ZNHIT6: variants seen among roughly 807,000 people sequenced by gnomAD.
ZNHIT6 encodes the protein zinc finger HIT-type containing 6, also known as box C/D snoRNA protein 1.
Under a neutral mutation model 57.2 loss-of-function variants are expected in ZNHIT6, and 45 were observed. That is an observed-to-expected ratio of 0.79 (90% CI 0.62 to 1.01). The LOEUF (loss-of-function observed/expected upper bound fraction) is 1.01. Among genes scored for constraint, ZNHIT6 ranks in the 50% least tolerant of loss-of-function variants. The probability of loss-of-function intolerance (pLI) is 0.00; values close to 1 mark genes in which losing one functional copy is unlikely to be tolerated. For synonymous variants in ZNHIT6, 188 were observed against 190.0 expected, an observed-to-expected ratio of 0.99 and a Z score of 0.09; for missense variants, 528 against 567.3, an observed-to-expected ratio of 0.93 and a Z score of 0.70.
chr1:85,706,088 C>T lies in ZNHIT6; in HGVS notation c.905G>A (p.Ser302Asn). 1 of 1,611,816 alleles carries T rather than the reference C, an allele frequency of 6.2e-7. No individual in the cohort carries two copies. Among genetic ancestry groups the T allele is most frequent in the Admixed American group, 1.7e-5 (1 of 59,692 alleles). Residue 302 changes from serine to asparagine, a missense_variant, in exon 4 of 10, where the codon AGC (serine) becomes AAC (asparagine). Physicochemically the swap from Ser to Asn is conservative, Grantham distance 46. Transcript: ENST00000370574. ...SRDAFLKRPI[S>N]NKYMYFMKNR... is the part of the protein sequence containing the mutation. ...AGGAAAAAATCTTACATATTTATTG[C>T]TTATTGGTCTCTTCAAAAAAGCATC...
intron 6 of ZNHIT6, among the ~76,000 whole-genome samples, chr1:85,679,955 C>A (rs556590989): frequency 6.6e-6 from 1 of 152,314 alleles, no homozygotes; most frequent in South Asian, 2.1e-4. Context: ...CTTGTAATTC[C>A]GACATTTTGG....
intron 5 of ZNHIT6, among the ~76,000 whole-genome samples, chr1:85,701,867 C>G (rs1218693983): frequency 6.6e-6 from 1 of 152,096 alleles, no homozygotes; most frequent in Non-Finnish European, 1.5e-5. Flanking sequence ...AAAATCACAA[C>G]AAGCATACTT....
chr1:85,696,757 C>G (rs1156703523), intron 5 of ZNHIT6, among the ~76,000 whole-genome samples: 1 of 151,842 alleles, frequency 6.6e-6, no homozygotes, highest in Non-Finnish European at 1.5e-5. Context: ...GGAAAATGGC[C>G]TGGTTAATCC....
chr1:85,668,874 A>G (rs376460408), intron 8 of ZNHIT6, among the ~76,000 whole-genome samples: 2 of 152,164 alleles, frequency 1.3e-5, no homozygotes, highest in African/African-American at 4.8e-5. Context: ...CATGTTAGAC[A>G]TTGTGTGGGA....
At chr1:85,679,563 G>GTTTTTTTTTTTTTTTTTTTTTTTT (rs35523771) in intron 6 of ZNHIT6, among the ~76,000 whole-genome samples, 1 of 135,274 alleles carries the variant, frequency 7.4e-6, no homozygotes, top group Non-Finnish European at 1.5e-5. Context: ...ACATTAAAAT[G>GTTTTTTTTTTTTTTTTTTTTTTTT]TTTTTTTTTT....
chr1:85,672,285 G>C (rs1661576634), intron 8 of ZNHIT6, among the ~76,000 whole-genome samples: 1 of 151,882 alleles, frequency 6.6e-6, no homozygotes, highest in Non-Finnish European at 1.5e-5. Flanking sequence ...AAGTCTTACT[G>C]CTTTTTTTTT....
intron 8 of ZNHIT6, among the ~76,000 whole-genome samples, chr1:85,668,747 G>A (rs1012347125): frequency 2.0e-5 from 3 of 152,204 alleles, no homozygotes; most frequent in Non-Finnish European, 4.4e-5. Flanking sequence ...AAAGAGCACA[G>A]ACTAATCTTT....
intron 8 of ZNHIT6, among the ~76,000 whole-genome samples, chr1:85,667,961 A>AAAAAAAAAAAAAAAAAATGTAT: frequency 3.8e-4 from 7 of 18,196 alleles, no homozygotes; most frequent in African/African-American, 1.5e-3. Flanking sequence ...AAAAAAAAAA[A>AAAAAAAAAAAAAAAAAATGTAT]ATATATATAT....
At chr1:85,677,967 T>C (rs1401547660) in intron 7 of ZNHIT6, among the ~76,000 whole-genome samples, 1 of 152,146 alleles carries the variant, frequency 6.6e-6, no homozygotes, top group Non-Finnish European at 1.5e-5. Context: ...GTACTAGGAA[T>C]TTCATATATG....
intron 4 of ZNHIT6, 120 bp downstream of exon 4, chr1:85,705,958 G>A (rs1266159404): frequency 2.4e-6 from 2 of 816,642 alleles, no homozygotes; most frequent in Admixed American, 2.9e-5. Context: ...ATATCCTTAA[G>A]TAATCAGAAT....
intron 9 of ZNHIT6, among the ~76,000 whole-genome samples, chr1:85,655,958 G>A (rs755924321): frequency 7.9e-5 from 12 of 152,116 alleles, no homozygotes; most frequent in Non-Finnish European, 1.3e-4. Context: ...AGAAACACAT[G>A]TACCCCCAAA....
chr1:85,677,201 A>C, intron 8 of ZNHIT6, 35 bp downstream of exon 8: 1 of 1,516,760 alleles, frequency 6.6e-7, no homozygotes, highest in Non-Finnish European at 8.9e-7. Context: ...AGAACTAAAA[A>C]ATATTTAAAG....
Position 85,652,283 on chromosome 1 carries a change from AAC to A in ZNHIT6, c.*1773_*1774del, listed in dbSNP as rs1660932531. The A allele has an allele frequency of 1.3e-5, 2 of 152,192 alleles. No homozygotes were observed. The highest frequency in any genetic ancestry group is 4.1e-4 in the South Asian group (2 of 4,830). 9.4% of individuals were successfully genotyped at this position (152,192 alleles called of 1,614,324 possible). On this transcript the variant is annotated 3_prime_UTR_variant, in exon 10 of 10. Transcript: ENST00000370574. ...TATACGTTATCCCACTTCTCCTAAT[AAC>A]AACACGTTTCACTCAATTCATCTAT...
At chr1:85,680,763 A>C in intron 6 of ZNHIT6, 73 bp downstream of exon 6, 1 of 1,142,186 alleles carries the variant, frequency 8.8e-7, no homozygotes. Context: ...TACTGACATT[A>C]AGTTAACAGT....
chr1:85,655,262 T>C lies in ZNHIT6; in HGVS notation c.1373-1164A>G, dbSNP rs764679730. On this transcript the variant is annotated intron_variant, in intron 9 of 9. Coordinates refer to ENST00000370574, the MANE Select transcript of ZNHIT6 (RefSeq NM_017953.4). ...AATAAGTTTTACATGCGTGTTCCAG[T>C]GCCAAAAATCCTCCTCTCTCTCCCT... 4.3e-4 allele frequency among the ~76,000 whole-genome samples: 66 copies of C among 152,208 alleles called. 1 individual carries two copies. Among genetic ancestry groups the C allele is most frequent in the Non-Finnish European group, 8.2e-4 (56 of 67,982 alleles).
chr1:85,707,972 G>A lies in ZNHIT6; in HGVS notation c.313C>T (p.Pro105Ser), dbSNP rs746066194. ...CCTGCGTTCTCATCCTTCACCTCAGGCCTATCCTCCACCTCCTGTTCTACC... is the reference window on the plus strand; with the variant it reads ...CCTGCGTTCTCATCCTTCACCTCAGACCTATCCTCCACCTCCTGTTCTACC... ...QWVEQEVEDRPEVKDENAGVL... is the reference protein window; with the variant it reads ...QWVEQEVEDRSEVKDENAGVL... Residue 105 changes from proline (P) to serine (S), a missense_variant, in exon 1 of 10, where the codon CCT becomes TCT. Coordinates refer to ENST00000370574, the MANE Select transcript of ZNHIT6 (RefSeq NM_017953.4). The A allele has an allele frequency of 1.9e-5, 31 of 1,613,692 alleles. No individual in the cohort carries two copies. Among genetic ancestry groups the A allele is most frequent in the Middle Eastern group, 1.6e-4 (1 of 6,084 alleles).
At chr1:85,685,696 C>T (rs1350567349) in intron 5 of ZNHIT6, among the ~76,000 whole-genome samples, 1 of 151,826 alleles carries the variant, frequency 6.6e-6, no homozygotes, top group Admixed American at 6.6e-5. Flanking sequence ...CTCGCCTCAG[C>T]CCCTGCAAGT....
At chr1:85,698,893 G>T (rs1662453854) in intron 5 of ZNHIT6, among the ~76,000 whole-genome samples, 1 of 152,052 alleles carries the variant, frequency 6.6e-6, no homozygotes, top group Non-Finnish European at 1.5e-5. Context: ...TATTCCTAAG[G>T]ATTTCAGTGA....
chr1:85,693,004 A>G (rs984117305), intron 5 of ZNHIT6, among the ~76,000 whole-genome samples: 6 of 152,080 alleles, frequency 3.9e-5, no homozygotes. Context: ...TCATACTGTA[A>G]GTAAAAGACA....
Sources: allele counts gnomAD v4.1 joint callset (sites outside exome capture counted in the v4.1 genomes callset), GRCh38; gene constraint gnomAD v4.1.1; transcripts MANE v1.5; gene names NCBI Gene and HGNC (gene_info 2026-07-23, HGNC 2026-07-21).